Variants in GAN observed in about 807,000 individuals in gnomAD.
The protein encoded by GAN is gigaxonin, also known as epididymis secretory sperm binding protein.
GAN carries 48 observed loss-of-function variants against 71.3 expected under a neutral mutation model. That is an observed-to-expected ratio of 0.67 (90% CI 0.53 to 0.86). The LOEUF (loss-of-function observed/expected upper bound fraction) is 0.86. Ranked by LOEUF, GAN falls within the 40% of genes least tolerant of loss-of-function variation. The pLI is 0.00. For synonymous variants in GAN, 386 were observed against 276.8 expected (o/e 1.39, Z -3.92); for missense variants, 928 against 770.1 (o/e 1.21, Z -2.43).
At chr16:81,336,047 G>T (rs572485741) in intron 1 of GAN, among the ~76,000 whole-genome samples, 117 of 152,230 alleles carry the variant, frequency 7.7e-4, no homozygotes, top group Admixed American at 1.6e-3. Flanking sequence ...CCTGTGTCTT[G>T]TTGCTGTCTC....
chr16:81,335,963 C>T (rs997447755), intron 1 of GAN, among the ~76,000 whole-genome samples: 1 of 152,178 alleles, frequency 6.6e-6, no homozygotes, highest in African/African-American at 2.4e-5. Flanking sequence ...TGCCCTTCCC[C>T]TGCCTTATGC....
intron 1 of GAN, among the ~76,000 whole-genome samples, chr16:81,334,925 G>T (rs1291958384): frequency 1.3e-5 from 2 of 152,150 alleles, no homozygotes; most frequent in East Asian, 1.9e-4. Context: ...ATTTTATTTG[G>T]TATGGGGATA....
chr16:81,381,607 G>A lies in GAN; in HGVS notation c.*4011G>A, dbSNP rs1318303759. On this transcript the variant is annotated 3_prime_UTR_variant, in exon 11 of 11. Coordinates refer to ENST00000648994, the MANE Select transcript of GAN (RefSeq NM_022041.4). Reference sequence around the variant, plus strand: ...ACTAGGAACTGTGCTTGCCATCCTGGGAGCTGAACAGTGAGGCAGAGGTCA... The same window carrying A: ...ACTAGGAACTGTGCTTGCCATCCTGAGAGCTGAACAGTGAGGCAGAGGTCA... The A allele has an allele frequency of 6.6e-6, 1 of 152,254 alleles. No individual in the cohort carries two copies. Among genetic ancestry groups the A allele is most frequent in the East Asian group, 1.9e-4 (1 of 5,192 alleles). The allele number at this position is 152,254 out of a possible 1,614,324, so 9.4% of individuals were successfully genotyped here. A position where few individuals can be genotyped will look rare whatever the true frequency, so the allele number is the denominator to read the frequency against.
At position 81,357,842 on chromosome 16, in the gene GAN, T is replaced by C. The variant is rs747687913; in HGVS notation, c.884T>C (p.Met295Thr). Residue 295 changes from methionine (M) to threonine (T), a missense_variant, in exon 5 of 11, where the codon ATG becomes ACG. Physicochemically the swap from Met to Thr is moderately conservative, Grantham distance 81 (BLOSUM62 -1). Transcript: ENST00000648994. ...SRKPTAAMRC[M>T]CPLYDPNRQL... Reference sequence around the variant, plus strand: ...AAACCCACAGCAGCGATGCGATGCATGTGCCCTCTCTATGACCCTAACAGG... The same window carrying C: ...AAACCCACAGCAGCGATGCGATGCACGTGCCCTCTCTATGACCCTAACAGG... 5 of 1,613,254 alleles carry C rather than the reference T, an allele frequency of 3.1e-6. No individual in the cohort carries two copies. Among genetic ancestry groups the C allele is most frequent in the Non-Finnish European group, 4.2e-6 (5 of 1,179,282 alleles).
At chr16:81,333,864 C>G (rs535865270) in intron 1 of GAN, among the ~76,000 whole-genome samples, 1 of 152,290 alleles carries the variant, frequency 6.6e-6, no homozygotes, top group African/African-American at 2.4e-5. Context: ...CCTGCCTGGT[C>G]CAGTTGTTAC....
chr16:81,373,459 A>G (rs1320891415), intron 9 of GAN, among the ~76,000 whole-genome samples: 1 of 152,230 alleles, frequency 6.6e-6, no homozygotes, highest in Non-Finnish European at 1.5e-5. Context: ...TTTATTTTGG[A>G]ATAATACTGT....
intron 9 of GAN, among the ~76,000 whole-genome samples, chr16:81,374,555 T>A (rs1904275603): frequency 6.6e-6 from 1 of 152,248 alleles, no homozygotes; most frequent in Non-Finnish European, 1.5e-5. Flanking sequence ...TGTTTTCCAA[T>A]TATTTATAGT....
rs1277123918 is a variant in GAN, at chr16:81,315,252, A to G, written c.139A>G (p.Ile47Val). Residue 47 changes from isoleucine to valine, a missense_variant, in exon 1 of 11, where the codon ATC (isoleucine) becomes GTC (valine). By Grantham distance (29) the Ile-to-Val change is conservative. Transcript: ENST00000648994. ...GGAGGAGATCCCGGTGCAGAAGAAC[A>G]TCCTGGCGGCGGCCAGCCCGTACAT... ...DGEEIPVQKNILAAASPYIRT... is the reference protein window; with the variant it reads ...DGEEIPVQKNVLAAASPYIRT... 3 of 1,567,970 alleles carry G rather than the reference A, an allele frequency of 1.9e-6. No homozygotes were observed. The highest frequency in any genetic ancestry group is 1.7e-6 in the Non-Finnish European group (2 of 1,158,496).
At chr16:81,316,169 C>G (rs996353299) in intron 1 of GAN, among the ~76,000 whole-genome samples, 1 of 152,144 alleles carries the variant, frequency 6.6e-6, no homozygotes, top group African/African-American at 2.4e-5. Context: ...TAGCAACCTT[C>G]TTGCAAACTA....
chr16:81,327,736 C>G (rs1239030711), intron 1 of GAN, among the ~76,000 whole-genome samples: 3 of 152,124 alleles, frequency 2.0e-5, no homozygotes, highest in Admixed American at 1.3e-4. Flanking sequence ...TGTACTGTAG[C>G]AAGAAAGAAC....
chr16:81,329,093 C>T (rs1243218398), intron 1 of GAN, among the ~76,000 whole-genome samples: 1 of 152,074 alleles, frequency 6.6e-6, no homozygotes, highest in Non-Finnish European at 1.5e-5. Flanking sequence ...TTCTGTAGAG[C>T]AAAGATTGAT....
intron 1 of GAN, among the ~76,000 whole-genome samples, chr16:81,330,327 G>A (rs771711317): frequency 6.6e-6 from 1 of 152,264 alleles, no homozygotes; most frequent in Admixed American, 6.5e-5. Context: ...GACACCAAGA[G>A]GCTGGAGCAT....
At position 81,377,778 on chromosome 16, in the gene GAN, G is replaced by T; in HGVS notation, c.*182G>T. ...CTCTTGTTTGGGAGAACACGTAACTGTTGAAAAACTACCTGGGAGGAGTGA... is the reference window on the plus strand; with the variant it reads ...CTCTTGTTTGGGAGAACACGTAACTTTTGAAAAACTACCTGGGAGGAGTGA... On this transcript the variant is annotated 3_prime_UTR_variant, in exon 11 of 11. Transcript: ENST00000648994. 1 of 637,462 alleles carries T rather than the reference G, an allele frequency of 1.6e-6. No homozygotes were observed. Among genetic ancestry groups the T allele is most frequent in the Non-Finnish European group, 2.8e-6 (1 of 357,840 alleles). 39.5% of individuals were successfully genotyped at this position (637,462 alleles called of 1,614,324 possible).
In GAN at chr16:81,387,184, G is replaced by GCCATC. The variant is rs1412685896; in HGVS notation, c.*9588_*9589insCCATC. 6.6e-6 allele frequency: 1 copy of GCCATC among 152,196 alleles called. No homozygotes were observed. The highest frequency in any genetic ancestry group is 1.5e-5 in the Non-Finnish European group (1 of 68,046). The allele number at this position is 152,196 out of a possible 1,614,324, so 9.4% of individuals were successfully genotyped here. On this transcript the variant is annotated 3_prime_UTR_variant, in exon 11 of 11. Coordinates refer to ENST00000648994, the MANE Select transcript of GAN (RefSeq NM_022041.4). The stretch of plus-strand genomic sequence containing the variant: ...TGTTAGATCTGCAATACTCTTCATA[G>GCCATC]TGTAATGGCTAAATGTAAAGTCTTA...
At chr16:81,371,158 C>T (rs1478985740) in intron 9 of GAN, among the ~76,000 whole-genome samples, 1 of 152,048 alleles carries the variant, frequency 6.6e-6, no homozygotes, top group Non-Finnish European at 1.5e-5. Flanking sequence ...TGTTTGTGTA[C>T]TTTGTTTTTA....
chr16:81,315,338 G>A, intron 1 of GAN, 58 bp downstream of exon 1: 1 of 1,267,170 alleles, frequency 7.9e-7, no homozygotes. Context: ...CGGAGGCGGG[G>A]CGGCCGGGCC....
chr16:81,324,590 A>G (rs1909321440), intron 1 of GAN, among the ~76,000 whole-genome samples: 2 of 152,092 alleles, frequency 1.3e-5, no homozygotes, highest in African/African-American at 4.8e-5. Context: ...AAGGCCTGTG[A>G]TCCCTGAGTT....
At chr16:81,325,010 ACCAGGGATGACTCGCAG>A (rs1363083609) in intron 1 of GAN, among the ~76,000 whole-genome samples, 2 of 152,134 alleles carry the variant, frequency 1.3e-5, no homozygotes, top group South Asian at 2.1e-4. Context: ...AAAAGGGCAG[ACCAGGGATGACTCGCAG>A]CCAGGGATGG....
Position 81,315,246 on chromosome 16 carries a change from A to T in GAN, c.133A>T (p.Lys45Ter). 1 of 1,577,090 alleles carries T rather than the reference A, an allele frequency of 6.3e-7. No homozygotes were observed. Among genetic ancestry groups the T allele is most frequent in the Non-Finnish European group, 8.6e-7 (1 of 1,163,780 alleles). The change falls in exon 1 of 11, where the codon AAG (lysine) becomes TAG (stop). Residue 45 changes from lysine to a stop codon, truncating the protein, a stop_gained. Coordinates refer to ENST00000648994, the MANE Select transcript of GAN (RefSeq NM_022041.4). LOFTEE classifies it high-confidence loss of function. ...VLDGEEIPVQ[K>*]NILAAASPYI... ...CGACGGGGAGGAGATCCCGGTGCAG[A>T]AGAACATCCTGGCGGCGGCCAGCCC... is the stretch of plus-strand genomic sequence containing the variant.
Sources: gnomAD v4.1 joint callset for allele counts (sites outside exome capture counted in the v4.1 genomes callset) on GRCh38, gnomAD v4.1.1 for gene constraint, MANE v1.5 for transcripts, NCBI Gene and HGNC (gene_info 2026-07-23, HGNC 2026-07-21) for gene names.